The following GABRP variants were observed in gnomAD, a reference collection of about 807,000 sequenced individuals.
The protein encoded by GABRP is gamma-aminobutyric acid type A receptor subunit pi, also known as gamma-aminobutyric acid receptor subunit pi.
In GABRP, 52 loss-of-function variants were observed where a neutral mutation model predicts 47.8. The ratio of observed to expected loss-of-function variants is 1.09; its 90% confidence interval spans 0.87 to 1.37. The LOEUF is 1.37. Ranked by LOEUF, GABRP falls within the 40% of genes most tolerant of loss-of-function variation. The pLI is 0.00. For synonymous variants in GABRP, 221 were observed against 205.8 expected (o/e 1.07, Z -0.63); for missense variants, 525 against 542.8 (o/e 0.97, Z 0.33).
chr5:170,795,447 CA>C (rs745412538), intron 5 of GABRP, 22 bp downstream of exon 5: 1 of 1,597,122 alleles, frequency 6.3e-7, no homozygotes, highest in African/African-American at 1.3e-5. Context: ...CCTGTGACCT[CA>C]GGGGTGGAGG....
intron 6 of GABRP, among the ~76,000 whole-genome samples, chr5:170,803,742 GTGGTTGGTTGGTTGGT>G (rs3079467): frequency 3.9e-4 from 58 of 148,128 alleles, no homozygotes; most frequent in South Asian, 2.4e-3. Context: ...CATGCACTAT[GTGGTTGGTTGGTTGGT>G]TGGTTGGTTG....
rs748020433 is a variant in GABRP, at chr5:170,795,276, G to A, written c.309G>A (p.Lys103=). ...MDQRLVFEGN[K]SFTLDARLVE... ...AGCGGCTGGTGTTTGAAGGCAACAA[G>A]AGCTTCACTCTGGATGCCCGCCTCG... The change falls in exon 5 of 10, where the codon AAG becomes AAA. Residue 103 remains lysine, a synonymous_variant. Transcript: ENST00000265294. The A allele has an allele frequency of 1.9e-5, 30 of 1,613,684 alleles. No individual in the cohort carries two copies. In the East Asian group the frequency reaches 6.3e-4, roughly 34 times the overall value.
chr5:170,793,419 A>G (rs909572136), intron 3 of GABRP, among the ~76,000 whole-genome samples: 5 of 152,182 alleles, frequency 3.3e-5, no homozygotes, highest in Admixed American at 2.6e-4. Flanking sequence ...CTGAAGTTCA[A>G]TCTGTCTGCT....
At chr5:170,803,738 C>T (rs554098425) in intron 6 of GABRP, among the ~76,000 whole-genome samples, 1 of 138,262 alleles carries the variant, frequency 7.2e-6, no homozygotes, top group South Asian at 2.4e-4. Context: ...GAATCATGCA[C>T]TATGTGGTTG....
At chr5:170,810,257 G>A (rs1305439571) in intron 9 of GABRP, among the ~76,000 whole-genome samples, 1 of 151,468 alleles carries the variant, frequency 6.6e-6, no homozygotes, top group African/African-American at 2.4e-5. Context: ...TTTAGCAATG[G>A]AACACTATAG....
intron 6 of GABRP, among the ~76,000 whole-genome samples, chr5:170,805,154 A>G: frequency 6.6e-6 from 1 of 151,728 alleles, no homozygotes; most frequent in African/African-American, 2.4e-5. Flanking sequence ...AACATTAGTG[A>G]CATAATGTAT....
Position 170,813,797 on chromosome 5 carries a change from C to T in GABRP, c.*1539C>T, listed in dbSNP as rs1765953291. 6.6e-6 allele frequency: 1 copy of T among 152,164 alleles called. No individual in the cohort carries two copies. Among genetic ancestry groups the T allele is most frequent in the Non-Finnish European group, 1.5e-5 (1 of 68,028 alleles). The allele number at this position is 152,164 out of a possible 1,614,324, so 9.4% of individuals were successfully genotyped here. ...TCTCATTCCTTTTCCCATTATACTTCTCACAATTCAGTTTCTATGAGTTTG... is the reference window on the plus strand; with the variant it reads ...TCTCATTCCTTTTCCCATTATACTTTTCACAATTCAGTTTCTATGAGTTTG... On this transcript the variant is annotated 3_prime_UTR_variant, in exon 10 of 10. Transcript: ENST00000265294.
chr5:170,788,701 C>T (rs753452954), intron 2 of GABRP, 33 bp downstream of exon 2: 1 of 1,607,780 alleles, frequency 6.2e-7, no homozygotes, highest in Non-Finnish European at 8.5e-7. Context: ...TGGCCTCCAT[C>T]TGCGTTGCTT....
intron 1 of GABRP, among the ~76,000 whole-genome samples, chr5:170,784,300 G>A (rs908878591): frequency 2.0e-5 from 3 of 151,914 alleles, no homozygotes; most frequent in Non-Finnish European, 4.4e-5. Context: ...TGACAAGTTG[G>A]GGTTGGGGGT....
intron 3 of GABRP, 66 bp from the exon 4 acceptor site, chr5:170,794,165 C>A: frequency 1.0e-6 from 1 of 968,872 alleles, no homozygotes; most frequent in Non-Finnish European, 1.5e-6. Flanking sequence ...TTTTAGAATG[C>A]ACTAATATAG....
chr5:170,798,204 G>A (rs1055452651), intron 6 of GABRP, among the ~76,000 whole-genome samples: 4 of 152,146 alleles, frequency 2.6e-5, no homozygotes, highest in Admixed American at 6.5e-5. Context: ...ACCACGCCCG[G>A]CTAATTTTTT....
chr5:170,804,937 C>A (rs1765688460), intron 6 of GABRP, among the ~76,000 whole-genome samples: 1 of 147,488 alleles, frequency 6.8e-6, no homozygotes, highest in East Asian at 2.0e-4. Context: ...AAAATATAAG[C>A]TTTACTGTAT....
At position 170,805,703 on chromosome 5, in the gene GABRP, T is replaced by A. The variant is rs747356154; in HGVS notation, c.542-13T>A. 22 of 1,613,878 alleles carry A rather than the reference T, an allele frequency of 1.4e-5. No homozygotes were observed. ...CACCCTTGCACTGACCAGGGCTCCA[T>A]TTTATTTGCCAGGGGGCTATGATGG... On this transcript the variant is annotated splice_polypyrimidine_tract_variant and intron_variant, in intron 6 of 9. Coordinates refer to ENST00000265294, the MANE Select transcript of GABRP (RefSeq NM_014211.3).
In GABRP at chr5:170,798,923, T is replaced by C. The variant is rs541993176; in HGVS notation, c.541+1375T>C. ...TAACTCGTCATTTACATTAGGTATA[T>C]CTCCTAATGCTATCCCTCCCCCCTC... is the stretch of plus-strand genomic sequence containing the variant. On this transcript the variant is annotated intron_variant, in intron 6 of 9. Coordinates refer to ENST00000265294, the MANE Select transcript of GABRP (RefSeq NM_014211.3). Among the ~76,000 whole-genome samples the C allele has an allele frequency of 7.9e-5, 12 of 152,044 alleles. No individual in the cohort carries two copies. In the South Asian group the frequency reaches 2.3e-3, roughly 29 times the overall value.
At chr5:170,793,396 G>T (rs902706438) in intron 3 of GABRP, among the ~76,000 whole-genome samples, 1 of 152,198 alleles carries the variant, frequency 6.6e-6, no homozygotes, top group Non-Finnish European at 1.5e-5. Flanking sequence ...TCTAGAGATA[G>T]AACTCTCTCT....
chr5:170,809,433 CT>C, intron 8 of GABRP, 134 bp from the exon 9 acceptor site: 1 of 802,596 alleles, frequency 1.2e-6, no homozygotes, highest in South Asian at 1.6e-5. Flanking sequence ...AGGTCGCAGA[CT>C]TTTCAAAATG....
chr5:170,791,393 C>T (rs1397425633), intron 3 of GABRP, among the ~76,000 whole-genome samples: 2 of 152,240 alleles, frequency 1.3e-5, no homozygotes, highest in East Asian at 3.8e-4. Flanking sequence ...AATGTCTGTG[C>T]ACCCAGTTTT....
At chr5:170,795,133 C>A in intron 4 of GABRP, 75 bp from the exon 5 acceptor site, 3 of 1,053,634 alleles carry the variant, frequency 2.8e-6, no homozygotes, top group East Asian at 2.4e-5. Flanking sequence ...TAAACTTTGA[C>A]CACTTTCCTC....
chr5:170,809,432 AC>A, intron 8 of GABRP, 135 bp from the exon 9 acceptor site: 1 of 790,362 alleles, frequency 1.3e-6, no homozygotes, highest in Non-Finnish European at 2.1e-6. Flanking sequence ...AAGGTCGCAG[AC>A]TTTTCAAAAT....
Sources: gnomAD v4.1 joint callset for allele counts (sites outside exome capture counted in the v4.1 genomes callset) on GRCh38, gnomAD v4.1.1 for gene constraint, MANE v1.5 for transcripts, NCBI Gene and HGNC (gene_info 2026-07-23, HGNC 2026-07-21) for gene names.